Variants in ITGA11 observed in about 807,000 individuals in gnomAD.
ITGA11 encodes the protein integrin alpha-11.
Under a neutral mutation model 141.9 loss-of-function variants are expected in ITGA11, and 97 were observed. That is an observed-to-expected ratio of 0.68 (90% CI 0.58 to 0.81). ITGA11 has a LOEUF of 0.81. Ranked by LOEUF, ITGA11 falls within the 30% of genes least tolerant of loss-of-function variation. The pLI is 0.00. For missense variants in ITGA11, 1,387 were observed against 1,559.2 expected, an observed-to-expected ratio of 0.89 and a Z score of 1.86; for synonymous variants, 658 against 624.6, an observed-to-expected ratio of 1.05 and a Z score of -0.80.
intron 2 of ITGA11, among the ~76,000 whole-genome samples, chr15:68,383,899 G>A (rs765545355): frequency 3.2e-4 from 48 of 152,278 alleles, no homozygotes; most frequent in Admixed American, 9.8e-4. Flanking sequence ...GGAGGCTGGT[G>A]GGGGAGTGGG....
At chr15:68,367,168 T>C (rs1207034477) in intron 3 of ITGA11, among the ~76,000 whole-genome samples, 1 of 152,098 alleles carries the variant, frequency 6.6e-6, no homozygotes, top group African/African-American at 2.4e-5. Context: ...AGCTCAGAAA[T>C]GCTTTCCAGG....
At chr15:68,368,421 G>A (rs1164387508) in intron 3 of ITGA11, among the ~76,000 whole-genome samples, 1 of 152,256 alleles carries the variant, frequency 6.6e-6, no homozygotes, top group East Asian at 1.9e-4. Flanking sequence ...GGACTGGTGT[G>A]TGTGCTTAGT....
intron 1 of ITGA11, among the ~76,000 whole-genome samples, chr15:68,421,319 G>A (rs1203957074): frequency 2.6e-5 from 4 of 151,314 alleles, no homozygotes; most frequent in East Asian, 3.9e-4. Flanking sequence ...AGAACAGCCC[G>A]GAGGCCCCAG....
intron 5 of ITGA11, among the ~76,000 whole-genome samples, chr15:68,359,446 G>A (rs1895174345): frequency 6.6e-6 from 1 of 152,198 alleles, no homozygotes; most frequent in African/African-American, 2.4e-5. Flanking sequence ...AGGAGTTCGA[G>A]ACCAGCCTTG....
intron 24 of ITGA11, among the ~76,000 whole-genome samples, chr15:68,311,655 G>A (rs1893391432): frequency 6.6e-6 from 1 of 152,168 alleles, no homozygotes; most frequent in Non-Finnish European, 1.5e-5. Context: ...CAAGTCAGTG[G>A]GGATCCTGAG....
intron 1 of ITGA11, among the ~76,000 whole-genome samples, chr15:68,423,055 C>A (rs1404542021): frequency 1.3e-5 from 2 of 152,216 alleles, no homozygotes; most frequent in African/African-American, 4.8e-5. Context: ...TTGAAGACAT[C>A]TACCCTGCCC....
chr15:68,425,979 C>T (rs191276290), intron 1 of ITGA11, among the ~76,000 whole-genome samples: 126 of 152,362 alleles, frequency 8.3e-4, no homozygotes, highest in African/African-American at 2.9e-3. Flanking sequence ...TTTAGAGCTG[C>T]ATCACCCAAG....
intron 10 of ITGA11, 59 bp from the exon 11 acceptor site, chr15:68,339,703 C>G (rs1289055929): frequency 6.2e-7 from 1 of 1,600,980 alleles, no homozygotes; most frequent in South Asian, 1.1e-5. Flanking sequence ...TTGCCAGGAG[C>G]CACATCAGGT....
intron 10 of ITGA11, among the ~76,000 whole-genome samples, chr15:68,342,839 G>T (rs754159688): frequency 6.6e-6 from 1 of 152,156 alleles, no homozygotes; most frequent in African/African-American, 2.4e-5. Context: ...TGCACCAGAT[G>T]GTCCCTTACG....
intron 2 of ITGA11, among the ~76,000 whole-genome samples, chr15:68,384,182 C>T (rs1376976842): frequency 1.3e-5 from 2 of 151,006 alleles, no homozygotes; most frequent in Middle Eastern, 3.2e-3. Context: ...TCTGGTTGAC[C>T]AGTTTGTGTG....
intron 2 of ITGA11, among the ~76,000 whole-genome samples, chr15:68,396,964 TAAATA>T (rs1567156491): frequency 2.6e-3 from 15 of 5,840 alleles, no homozygotes; most frequent in East Asian, 0.05. Flanking sequence ...TATTATATAA[TAAATA>T]ATATATTATA....
chr15:68,405,599 C>T (rs1011851389), intron 1 of ITGA11, among the ~76,000 whole-genome samples: 1 of 152,176 alleles, frequency 6.6e-6, no homozygotes, highest in Non-Finnish European at 1.5e-5. Context: ...TAGCAGCGGG[C>T]AGCCTTGGAG....
intron 26 of ITGA11, 144 bp downstream of exon 26, chr15:68,310,850 T>C (rs1893355060): frequency 9.5e-6 from 6 of 633,606 alleles, no homozygotes; most frequent in Admixed American, 2.7e-5. Flanking sequence ...TTCAGTTTTT[T>C]TCTTGGTTTG....
At position 68,375,958 on chromosome 15, in the gene ITGA11, C is replaced by T. The variant is rs540633846; in HGVS notation, c.165-6674G>A. On this transcript the variant is annotated intron_variant, in intron 2 of 29. Coordinates refer to ENST00000315757, the MANE Select transcript of ITGA11 (RefSeq NM_001004439.2). ...GGCAGAACAGAACAAAATGACTGAC[C>T]CTCCCTTGAGAAAGAGAATTCTCCC... Among the ~76,000 whole-genome samples the T allele has an allele frequency of 4.6e-5, 7 of 152,226 alleles. No homozygotes were observed. In the South Asian group the frequency reaches 1.5e-3, roughly 32 times the overall value.
rs765923859 is a variant in ITGA11 at position 68,339,616 on chromosome 15, G to T, written c.1160C>A (p.Ala387Asp). 2.5e-6 allele frequency: 4 copies of T among 1,613,918 alleles called. No homozygotes were observed. The highest frequency in any genetic ancestry group is 3.4e-6 in the Non-Finnish European group (4 of 1,179,888). The change falls in exon 11 of 30, where the codon GCC becomes GAC. Residue 387 changes from alanine (A) to aspartate (D), a missense_variant. Transcript: ENST00000315757. Reference sequence around the variant, plus strand: ...TAGCACAGCTCCATTCCAGTCATAGGCACCGACGGCTCCCAGCAGAACCCC... The same window carrying T: ...TAGCACAGCTCCATTCCAGTCATAGTCACCGACGGCTCCCAGCAGAACCCC... ...EDGVLLGAVG[A>D]YDWNGAVLKE...
chr15:68,396,250 CCAATCAATCAAT>C (rs34098259), intron 2 of ITGA11, among the ~76,000 whole-genome samples: 51 of 150,464 alleles, frequency 3.4e-4, no homozygotes, highest in Admixed American at 1.4e-3. Flanking sequence ...AAATATCAAT[CCAATCAATCAAT>C]CAATCAATCA....
At position 68,305,835 on chromosome 15, in the gene ITGA11, C is replaced by T. The variant is rs1893174903; in HGVS notation, c.3381+1513G>A. Among the ~76,000 whole-genome samples the T allele has an allele frequency of 6.6e-6, 1 of 152,158 alleles. No homozygotes were observed. Among genetic ancestry groups the T allele is most frequent in the Non-Finnish European group, 1.5e-5 (1 of 68,032 alleles). ...GGCTCTGCCTCCCCAGCGCCAGCAC[C>T]TAGCACACAGCCCAGCATACAGGGG... is the stretch of plus-strand genomic sequence containing the variant. On this transcript the variant is annotated intron_variant, in intron 28 of 29. Coordinates refer to ENST00000315757, the MANE Select transcript of ITGA11 (RefSeq NM_001004439.2). The surrounding 1 kb of genome is among the most constrained non-coding windows in gnomAD (Gnocchi z 4.6).
At chr15:68,403,834 C>G (rs1896570927) in intron 1 of ITGA11, among the ~76,000 whole-genome samples, 1 of 152,012 alleles carries the variant, frequency 6.6e-6, no homozygotes, top group Non-Finnish European at 1.5e-5. Context: ...GACAGGGTTT[C>G]ACCATGTTGG....
In ITGA11 at chr15:68,299,438, A is replaced by G. The variant is rs955189353; in HGVS notation, c.*3621T>C. The G allele has an allele frequency of 4.7e-5, 7 of 150,218 alleles. No homozygotes were observed. Among genetic ancestry groups the G allele is most frequent in the Non-Finnish European group, 1.0e-4 (7 of 67,710 alleles). 9.3% of individuals were successfully genotyped at this position (150,218 alleles called of 1,614,324 possible). On this transcript the variant is annotated 3_prime_UTR_variant, in exon 30 of 30. Coordinates refer to ENST00000315757, the MANE Select transcript of ITGA11 (RefSeq NM_001004439.2). The stretch of plus-strand genomic sequence containing the variant: ...GGGGAGTTTTTTTTTTTTTTAAATT[A>G]TAAGAAGGAGTGCAGGATAAAAGGC...
Sources: allele counts gnomAD v4.1 joint callset (sites outside exome capture counted in the v4.1 genomes callset), GRCh38; gene constraint gnomAD v4.1.1; non-coding constraint Gnocchi (gnomAD v3.1); transcripts MANE v1.5; gene names NCBI Gene and HGNC (gene_info 2026-07-23, HGNC 2026-07-21).